PDE11A: variants seen among roughly 807,000 people sequenced by gnomAD.
PDE11A encodes phosphodiesterase 11A.
Under a neutral mutation model 100.5 loss-of-function variants are expected in PDE11A, and 100 were observed. The ratio of observed to expected loss-of-function variants is 1.00; its 90% CI spans 0.85 to 1.18. The LOEUF (loss-of-function observed/expected upper bound fraction) is 1.18. Ranked by LOEUF, PDE11A falls within the 50% of genes most tolerant of loss-of-function variation. PDE11A has a pLI of 0.00. For missense variants in PDE11A, 1,141 were observed against 1,152.6 expected, an observed-to-expected ratio of 0.99 and a Z score of 0.15; for synonymous variants, 381 against 420.8, an observed-to-expected ratio of 0.91 and a Z score of 1.16.
intron 19 of PDE11A, among the ~76,000 whole-genome samples, chr2:177,630,800 A>G (rs1159656523): frequency 6.6e-6 from 1 of 152,212 alleles, no homozygotes; most frequent in Non-Finnish European, 1.5e-5. Context: ...AATAATAAGT[A>G]AAGCCACCCA....
chr2:177,818,326 T>A (rs1284408055), intron 7 of PDE11A, among the ~76,000 whole-genome samples: 5 of 142,518 alleles, frequency 3.5e-5, no homozygotes, highest in South Asian at 2.2e-4. Context: ...TATATATATA[T>A]ATCATACTCT....
upstream of PDE11A, chr2:178,073,121 G>A (rs1224201509): frequency 1.0e-6 from 1 of 961,748 alleles, no homozygotes; most frequent in East Asian, 1.1e-4. Context: ...CGAGATACAA[G>A]TGTTGATGTT....
intron 5 of PDE11A, among the ~76,000 whole-genome samples, chr2:177,872,116 T>C (rs114662363): frequency 5.7e-4 from 87 of 152,336 alleles, no homozygotes; most frequent in African/African-American, 2.0e-3. Flanking sequence ...AGACTGCTTT[T>C]AATTTTTAAA....
intron 2 of PDE11A, among the ~76,000 whole-genome samples, chr2:177,993,829 A>G (rs141354634): frequency 8.9e-4 from 136 of 152,284 alleles, no homozygotes; most frequent in African/African-American, 3.1e-3. Context: ...TACCTCATCT[A>G]TAAAGAAAAA....
At chr2:177,737,449 A>ACACACACACACACACAC (rs55844103) in intron 10 of PDE11A, among the ~76,000 whole-genome samples, 126 of 148,050 alleles carry the variant, frequency 8.5e-4, no homozygotes, top group South Asian at 1.3e-3. Context: ...ACACACACAC[A>ACACACACACACACACAC]AATTAGCCAG....
intron 2 of PDE11A, among the ~76,000 whole-genome samples, chr2:178,006,430 C>T (rs1035769557): frequency 6.6e-6 from 1 of 152,076 alleles, no homozygotes; most frequent in Admixed American, 6.6e-5. Flanking sequence ...CAGGGTAGAC[C>T]AGTTTTTGTT....
At chr2:177,967,542 TTGAA>T (rs2085714673) in intron 2 of PDE11A, among the ~76,000 whole-genome samples, 1 of 151,990 alleles carries the variant, frequency 6.6e-6, no homozygotes, top group African/African-American at 2.4e-5. Context: ...GGTTTTTTGA[TTGAA>T]TGAAGGAATG....
chr2:177,748,948 A>G (rs780392012), intron 10 of PDE11A, among the ~76,000 whole-genome samples: 10 of 152,232 alleles, frequency 6.6e-5, no homozygotes, highest in African/African-American at 9.6e-5. Context: ...GTTCTTCAAC[A>G]TTGGAAACTG....
intron 1 of PDE11A, chr2:178,104,557 C>T (rs995194133): frequency 8.3e-7 from 1 of 1,209,196 alleles, no homozygotes; most frequent in African/African-American, 1.5e-5. Context: ...AGAATTCCAT[C>T]ATTTTGACTG....
At chr2:177,799,590 T>C (rs185806900) in intron 9 of PDE11A, among the ~76,000 whole-genome samples, 25 of 152,234 alleles carry the variant, frequency 1.6e-4, no homozygotes, top group South Asian at 4.1e-4. Context: ...TACTAGAATA[T>C]GAGAAGAATT....
At chr2:177,902,275 G>A (rs553092751) in intron 3 of PDE11A, among the ~76,000 whole-genome samples, 6 of 146,958 alleles carry the variant, frequency 4.1e-5, no homozygotes, top group Admixed American at 1.4e-4. Flanking sequence ...ATTCTCCCCC[G>A]CCCTTAAGAA....
intron 17 of PDE11A, among the ~76,000 whole-genome samples, chr2:177,675,077 T>C (rs2080748047): frequency 6.6e-6 from 1 of 151,894 alleles, no homozygotes; most frequent in African/African-American, 2.4e-5. Flanking sequence ...TATAATTTCC[T>C]TTTTGCCTCC....
Position 177,840,286 on chromosome 2 carries a change from T to G in PDE11A, c.1465A>C (p.Ser489Arg). The part of the protein sequence containing the change: ...VASTGLPVNI[S>R]DAYQDPRFDA... ...AAGCGCGGATCCTGGTAGGCATCAC[T>G]GATGTTCACTGGAAGGCCTGTTGAA... Residue 489 changes from serine (S) to arginine (R), a missense_variant, in exon 6 of 20, where the codon AGT becomes CGT. Ser to Arg is a moderately radical substitution (Grantham distance 110). Coordinates refer to ENST00000286063, the MANE Select transcript of PDE11A (RefSeq NM_016953.4). 6 of 1,614,134 alleles carry G rather than the reference T, an allele frequency of 3.7e-6. No individual in the cohort carries two copies. The highest frequency in any genetic ancestry group is 5.1e-6 in the Non-Finnish European group (6 of 1,179,994).
chr2:177,960,809 T>G (rs1344994015), intron 2 of PDE11A, among the ~76,000 whole-genome samples: 1 of 152,196 alleles, frequency 6.6e-6, no homozygotes, highest in Non-Finnish European at 1.5e-5. Flanking sequence ...CAGCATCCCA[T>G]ATTTAATATT....
chr2:177,743,260 G>T (rs551466569), intron 10 of PDE11A, among the ~76,000 whole-genome samples: 19 of 152,256 alleles, frequency 1.2e-4, no homozygotes, highest in Middle Eastern at 3.4e-3. Flanking sequence ...TTAGTTATAG[G>T]ATCACTAATT....
At chr2:178,031,894 G>T (rs1044737669) in intron 1 of PDE11A, among the ~76,000 whole-genome samples, 1 of 152,122 alleles carries the variant, frequency 6.6e-6, no homozygotes, top group Non-Finnish European at 1.5e-5. Context: ...AGTCATAGGG[G>T]TTGGGGAGAA....
At chr2:177,798,115 C>T (rs1368854685) in intron 9 of PDE11A, among the ~76,000 whole-genome samples, 1 of 152,160 alleles carries the variant, frequency 6.6e-6, no homozygotes, top group Non-Finnish European at 1.5e-5. Context: ...CCTACTTTTA[C>T]CTATGACTTT....
At chr2:177,776,900 G>A (rs1038965404) in intron 9 of PDE11A, among the ~76,000 whole-genome samples, 4 of 152,114 alleles carry the variant, frequency 2.6e-5, no homozygotes, top group Non-Finnish European at 5.9e-5. Flanking sequence ...AACCTGGTGG[G>A]AGGTAACTGA....
intron 9 of PDE11A, among the ~76,000 whole-genome samples, chr2:177,773,905 G>C (rs544294810): frequency 6.6e-6 from 1 of 152,326 alleles, no homozygotes; most frequent in African/African-American, 2.4e-5. Flanking sequence ...CAACAAGCCA[G>C]AGGAGTGGAT....
Sources: gnomAD v4.1 joint callset for allele counts (sites outside exome capture counted in the v4.1 genomes callset) on GRCh38, gnomAD v4.1.1 for gene constraint, MANE v1.5 for transcripts, NCBI Gene and HGNC (gene_info 2026-07-23, HGNC 2026-07-21) for gene names.